Variants in MCPH1 observed in about 807,000 individuals in gnomAD.
MCPH1 encodes microcephalin 1, also known as microcephalin.
In MCPH1, 104 loss-of-function variants were observed where a neutral mutation model predicts 84.5. That is an observed-to-expected ratio of 1.23 (90% CI 1.05 to 1.45). The LOEUF is 1.45. MCPH1 is among the 40% of genes most tolerant of loss of function. MCPH1 has a pLI of 0.00. For synonymous variants in MCPH1, 514 were observed against 366.8 expected (o/e 1.40, Z -4.58); for missense variants, 1,498 against 1,005.7 (o/e 1.49, Z -6.62).
At chr8:6,496,849 C>T (rs1044454392) in intron 11 of MCPH1, among the ~76,000 whole-genome samples, 2 of 152,172 alleles carry the variant, frequency 1.3e-5, no homozygotes, top group African/African-American at 4.8e-5. Context: ...TCAAGCCCAA[C>T]TTAAAATCCC....
intron 12 of MCPH1, among the ~76,000 whole-genome samples, chr8:6,563,976 CTTTTTTTTTT>C (rs11358428): frequency 2.3e-5 from 2 of 85,382 alleles, no homozygotes; most frequent in Non-Finnish European, 4.9e-5. Flanking sequence ...GGAATACAAA[CTTTTTTTTTT>C]TTTTTTTTTT....
chr8:6,615,979 G>C (rs925328141), intron 12 of MCPH1: 1 of 152,220 alleles, frequency 6.6e-6, no homozygotes, highest in African/African-American at 2.4e-5. Context: ...TGAGTAGATT[G>C]TGCTGATGAT....
chr8:6,498,532 C>T (rs766149058), intron 11 of MCPH1, among the ~76,000 whole-genome samples: 7 of 152,066 alleles, frequency 4.6e-5, no homozygotes, highest in Non-Finnish European at 8.8e-5. Flanking sequence ...CATTTAGAAA[C>T]GGCTAAATTT....
chr8:6,534,230 T>C (rs914008152), intron 12 of MCPH1, among the ~76,000 whole-genome samples: 2 of 151,760 alleles, frequency 1.3e-5, no homozygotes, highest in African/African-American at 4.8e-5. Context: ...AATACAACAA[T>C]AAAAAACAAA....
At chr8:6,517,181 C>T (rs1816421875) in intron 12 of MCPH1, among the ~76,000 whole-genome samples, 1 of 152,168 alleles carries the variant, frequency 6.6e-6, no homozygotes, top group African/African-American at 2.4e-5. Flanking sequence ...TCAGATACTT[C>T]CCAAGACCTT....
chr8:6,611,449 T>A (rs1324145474), intron 12 of MCPH1, among the ~76,000 whole-genome samples: 1 of 152,160 alleles, frequency 6.6e-6, no homozygotes, highest in Non-Finnish European at 1.5e-5. Flanking sequence ...GACCAATTCA[T>A]CACAAACGTT....
intron 9 of MCPH1, among the ~76,000 whole-genome samples, chr8:6,460,704 A>G (rs73661747): frequency 0.014 from 2,185 of 151,818 alleles, 57 homozygotes; most frequent in African/African-American, 0.051. Context: ...GTTTGTCTTT[A>G]TCTTCCTAGC....
At chr8:6,609,828 C>CCCCCCCCCCCA (rs1475345162) in intron 12 of MCPH1, among the ~76,000 whole-genome samples, 6 of 108,792 alleles carry the variant, frequency 5.5e-5, no homozygotes, top group Non-Finnish European at 6.6e-5. Context: ...CGCCCCCCCC[C>CCCCCCCCCCCA]CACACACAGA....
At chr8:6,522,459 C>A (rs183983601) in intron 12 of MCPH1, among the ~76,000 whole-genome samples, 1 of 151,930 alleles carries the variant, frequency 6.6e-6, no homozygotes. Context: ...ATTCCCATTT[C>A]CAATGAGGAA....
intron 9 of MCPH1, among the ~76,000 whole-genome samples, chr8:6,460,772 G>T (rs967325773): frequency 6.6e-6 from 1 of 151,862 alleles, no homozygotes; most frequent in African/African-American, 2.4e-5. Flanking sequence ...CTGTCCCCTG[G>T]GAGTGTGGGC....
chr8:6,430,402 C>G (rs140082199), intron 3 of MCPH1, among the ~76,000 whole-genome samples: 221 of 152,272 alleles, frequency 1.5e-3, no homozygotes, highest in African/African-American at 5.0e-3. Context: ...AAAGGAAAAT[C>G]ACACGTTAGT....
At chr8:6,523,549 C>G (rs2129569847) in intron 12 of MCPH1, among the ~76,000 whole-genome samples, 1 of 152,222 alleles carries the variant, frequency 6.6e-6, no homozygotes, top group Non-Finnish European at 1.5e-5. Context: ...GGAACAAACT[C>G]AAAGACATGC....
chr8:6,638,673 G>A (rs1456379033), intron 13 of MCPH1, among the ~76,000 whole-genome samples: 2 of 152,040 alleles, frequency 1.3e-5, no homozygotes, highest in African/African-American at 2.4e-5. Context: ...CCACCGGCCA[G>A]GACTGGCATT....
At chr8:6,499,324 A>G (rs1397560574) in intron 11 of MCPH1, among the ~76,000 whole-genome samples, 1 of 152,136 alleles carries the variant, frequency 6.6e-6, no homozygotes, top group Admixed American at 6.5e-5. Flanking sequence ...AAGCTTGTTT[A>G]TGGGACATTT....
At chr8:6,620,643 C>T (rs758697958) in intron 12 of MCPH1, among the ~76,000 whole-genome samples, 5 of 152,130 alleles carry the variant, frequency 3.3e-5, no homozygotes, top group African/African-American at 9.7e-5. Context: ...AGGGAAAATA[C>T]GCAAAACAAA....
chr8:6,480,101 G>T (rs1422351618), intron 10 of MCPH1, among the ~76,000 whole-genome samples: 2 of 151,476 alleles, frequency 1.3e-5, no homozygotes, highest in African/African-American at 4.8e-5. Flanking sequence ...CAGGGGCCTG[G>T]TTCCTTTTTT....
chr8:6,546,547 A>T lies in MCPH1; in HGVS notation c.2214+46618A>T, dbSNP rs75384488. On this transcript the variant is annotated intron_variant, in intron 12 of 13. Transcript: ENST00000344683. Reference sequence around the variant, plus strand: ...GAAAGAAAATAAAGGATCTTTTTTTAAAACTCAATTTATATGTATATTGGT... The same window carrying T: ...GAAAGAAAATAAAGGATCTTTTTTTTAAACTCAATTTATATGTATATTGGT... Among the ~76,000 whole-genome samples the T allele has an allele frequency of 2.1e-5, 3 of 144,990 alleles. No individual in the cohort carries two copies. The East Asian group carries it at 6.0e-4, about 29-fold the overall frequency.
intron 11 of MCPH1, chr8:6,499,641 A>T: frequency 1.9e-6 from 1 of 517,244 alleles, no homozygotes; most frequent in Non-Finnish European, 3.5e-6. Flanking sequence ...ATTTCTTGTT[A>T]TCGTGAGACT....
intron 8 of MCPH1, chr8:6,447,367 C>T: frequency 2.0e-6 from 2 of 985,292 alleles, no homozygotes. Flanking sequence ...ACTGTACCTC[C>T]AAATCTTTAA....
Sources: gnomAD v4.1 joint callset for allele counts (sites outside exome capture counted in the v4.1 genomes callset) on GRCh38, gnomAD v4.1.1 for gene constraint, MANE v1.5 for transcripts, NCBI Gene and HGNC (gene_info 2026-07-23, HGNC 2026-07-21) for gene names.